Variants in ERCC8 observed in about 807,000 individuals in gnomAD.
ERCC8 encodes the protein DNA excision repair protein ERCC-8.
ERCC8 carries 52 observed loss-of-function variants against 54.9 expected under a neutral mutation model. That is an observed-to-expected ratio of 0.95 (90% CI 0.76 to 1.19). The LOEUF (loss-of-function observed/expected upper bound fraction) is 1.19. Among genes scored for constraint, ERCC8 ranks in the 50% most tolerant of loss-of-function variants. The pLI, the probability that ERCC8 is intolerant of heterozygous loss-of-function variation, is 0.00. For missense variants in ERCC8, 514 were observed against 466.1 expected, an observed-to-expected ratio of 1.10 and a Z score of -0.95; for synonymous variants, 146 against 157.2, an observed-to-expected ratio of 0.93 and a Z score of 0.53.
chr5:60,894,108 C>T lies in ERCC8; in HGVS notation c.844-3022G>A, dbSNP rs550180604. Among the ~76,000 whole-genome samples the T allele has an allele frequency of 2.0e-5, 3 of 152,022 alleles. No individual in the cohort carries two copies. In the East Asian group the frequency reaches 5.8e-4, roughly 29 times the overall value. On this transcript the variant is annotated intron_variant, in intron 9 of 11. Transcript: ENST00000676185. ...CACGCCATTCTCCTGCCTCAGCCTCCCGAGTAGCTGGGACTACAGGCGACC... is the reference window on the plus strand; with the variant it reads ...CACGCCATTCTCCTGCCTCAGCCTCTCGAGTAGCTGGGACTACAGGCGACC...
Position 60,892,884 on chromosome 5 carries a change from T to C in ERCC8, c.844-1798A>G, listed in dbSNP as rs928695127. ...TTTAATCAGGCTGCTTTTCCCAATA[T>C]TGGGAAGGCCTACAATGTCCATATG... On this transcript the variant is annotated intron_variant, in intron 9 of 11. Coordinates refer to ENST00000676185, the MANE Select transcript of ERCC8 (RefSeq NM_000082.4). The C allele has an allele frequency of 2.0e-5, 14 of 707,686 alleles. No homozygotes were observed. The Admixed American group carries it at 2.9e-4, about 14-fold the overall frequency. 43.8% of individuals were successfully genotyped at this position (707,686 alleles called of 1,614,324 possible).
At chr5:60,902,718 G>C (rs1318221532) in intron 6 of ERCC8, among the ~76,000 whole-genome samples, 4 of 151,980 alleles carry the variant, frequency 2.6e-5, no homozygotes, top group African/African-American at 7.2e-5. Flanking sequence ...TATTGTAAAA[G>C]AACTGGTTTT....
chr5:60,879,243 A>T (rs1176926452), intron 11 of ERCC8, among the ~76,000 whole-genome samples: 1 of 152,202 alleles, frequency 6.6e-6, no homozygotes, highest in African/African-American at 2.4e-5. Context: ...ACCGTTTGCT[A>T]TAATTTCTGT....
intron 4 of ERCC8, among the ~76,000 whole-genome samples, chr5:60,909,343 T>C (rs898229221): frequency 2.1e-5 from 3 of 140,150 alleles, no homozygotes; most frequent in African/African-American, 8.1e-5. Context: ...AAGCAAATAG[T>C]GGAAGAAGGT....
chr5:60,911,859 C>T (rs1749276816), intron 4 of ERCC8, among the ~76,000 whole-genome samples: 1 of 152,082 alleles, frequency 6.6e-6, no homozygotes, highest in Non-Finnish European at 1.5e-5. Context: ...ATCCTTTCCC[C>T]ATTTCTTGTT....
chr5:60,871,090 C>T lies in ERCC8; in HGVS notation c.*3525G>A, dbSNP rs1026357303. Among the ~76,000 whole-genome samples, 5 of 152,142 alleles carry T rather than the reference C, an allele frequency of 3.3e-5. No individual in the cohort carries two copies. The highest frequency in any genetic ancestry group is 1.2e-4 in the African/African-American group (5 of 41,418). ...GACTACAACCCAAAAATCGTATACC[C>T]AGCTAAACTATCATTTCAGAGGGGA... On this transcript the variant is annotated 3_prime_UTR_variant, in exon 12 of 12. Coordinates refer to ENST00000676185, the MANE Select transcript of ERCC8 (RefSeq NM_000082.4).
intron 1 of ERCC8, among the ~76,000 whole-genome samples, chr5:60,932,407 C>A (rs2112537001): frequency 6.6e-6 from 1 of 152,244 alleles, no homozygotes; most frequent in South Asian, 2.1e-4. Flanking sequence ...ATGATGAATA[C>A]CTGCTCTACT....
chr5:60,943,262 C>A (rs966297832), intron 1 of ERCC8, among the ~76,000 whole-genome samples: 1 of 151,946 alleles, frequency 6.6e-6, no homozygotes, highest in African/African-American at 2.4e-5. Context: ...CAGAGCAAGA[C>A]CCTGCCTCAA....
At chr5:60,915,822 T>C (rs1561509413) in intron 4 of ERCC8, among the ~76,000 whole-genome samples, 1 of 152,050 alleles carries the variant, frequency 6.6e-6, no homozygotes, top group Non-Finnish European at 1.5e-5. Flanking sequence ...ATTATCTCCC[T>C]GTCTTGAGGT....
chr5:60,918,935 A>C (rs1349763792), intron 3 of ERCC8, among the ~76,000 whole-genome samples: 1 of 152,026 alleles, frequency 6.6e-6, no homozygotes, highest in Non-Finnish European at 1.5e-5. Context: ...AACATGTTGA[A>C]GACTCTATGA....
chr5:60,889,849 C>T (rs1472580124), intron 10 of ERCC8, among the ~76,000 whole-genome samples: 1 of 152,118 alleles, frequency 6.6e-6, no homozygotes, highest in African/African-American at 2.4e-5. Context: ...TCTCTCAGAA[C>T]ACTAAAAATG....
intron 1 of ERCC8, among the ~76,000 whole-genome samples, chr5:60,939,323 C>T (rs567572304): frequency 9.0e-4 from 137 of 152,186 alleles, no homozygotes; most frequent in African/African-American, 3.2e-3. Flanking sequence ...TTTAATGTTC[C>T]TTCGGATTTC....
intron 4 of ERCC8, chr5:60,907,143 T>C (rs1187815611): frequency 6.6e-6 from 1 of 152,206 alleles, no homozygotes; most frequent in African/African-American, 2.4e-5. Context: ...ATTTCACTTG[T>C]ATTCTTCTCT....
intron 2 of ERCC8, among the ~76,000 whole-genome samples, chr5:60,927,534 C>G (rs1749783046): frequency 1.3e-5 from 2 of 152,144 alleles, no homozygotes; most frequent in Non-Finnish European, 2.9e-5. Flanking sequence ...ATATTTCATG[C>G]ACATATAATC....
intron 1 of ERCC8, among the ~76,000 whole-genome samples, chr5:60,940,134 T>C (rs1489162989): frequency 6.6e-6 from 1 of 152,234 alleles, no homozygotes; most frequent in Non-Finnish European, 1.5e-5. Flanking sequence ...TCTTGTTTTA[T>C]GAGTTGTGAT....
At chr5:60,904,254 C>T (rs933829420) in intron 5 of ERCC8, among the ~76,000 whole-genome samples, 1 of 152,010 alleles carries the variant, frequency 6.6e-6, no homozygotes, top group Non-Finnish European at 1.5e-5. Flanking sequence ...CTCTTCTTCA[C>T]AGATAAAAGA....
chr5:60,905,888 T>C (rs11744756), intron 4 of ERCC8, among the ~76,000 whole-genome samples: 131,965 of 152,052 alleles, frequency 0.87, 57,631 homozygotes, highest in East Asian at 0.95. Flanking sequence ...AGTGGTTAGA[T>C]GATGAATAGA....
chr5:60,938,800 A>G (rs1189650049), intron 1 of ERCC8, among the ~76,000 whole-genome samples: 2 of 152,156 alleles, frequency 1.3e-5, no homozygotes, highest in Admixed American at 1.3e-4. Context: ...TCCTCCATAT[A>G]TATGTAGCTT....
chr5:60,892,592 A>G, intron 9 of ERCC8: 1 of 671,880 alleles, frequency 1.5e-6, no homozygotes, highest in Non-Finnish European at 2.8e-6. Flanking sequence ...GAAAGTGCTC[A>G]GTAGTCTGGT....
Sources: gnomAD v4.1 joint callset for allele counts (sites outside exome capture counted in the v4.1 genomes callset) on GRCh38, gnomAD v4.1.1 for gene constraint, MANE v1.5 for transcripts, NCBI Gene and HGNC (gene_info 2026-07-23, HGNC 2026-07-21) for gene names.